Variants in AP3D1 observed in about 807,000 individuals in gnomAD.
AP3D1 encodes adaptor related protein complex 3 subunit delta 1.
In AP3D1, 51 loss-of-function variants were observed where a neutral mutation model predicts 147.6. The observed-to-expected ratio is 0.35, with a 90% CI of 0.28 to 0.44. The LOEUF (loss-of-function observed/expected upper bound fraction) is 0.44. Ranked by LOEUF, AP3D1 falls within the 20% of genes least tolerant of loss-of-function variation. The pLI is 1.00. For missense variants in AP3D1, 1,421 were observed against 1,624.2 expected (o/e 0.87, Z 2.15); for synonymous variants, 760 against 663.0 (o/e 1.15, Z -2.25).
intron 2 of AP3D1, 94 bp downstream of exon 2, chr19:2,138,525 G>A (rs2019135390): frequency 5.1e-6 from 5 of 976,898 alleles, no homozygotes; most frequent in African/African-American, 1.6e-5. Flanking sequence ...ACCAATGACT[G>A]ACAGGTGGAC....
At position 2,120,851 on chromosome 19, in the gene AP3D1, C is replaced by T. The variant is rs1205722341; in HGVS notation, c.1481+11G>A. On this transcript the variant is annotated intron_variant, in intron 14 of 31. Coordinates refer to ENST00000643116, the MANE Select transcript of AP3D1 (RefSeq NM_001261826.3). Reference sequence around the variant, plus strand: ...AGAAGCTGCCAGCCCAGAGGCCCAGCGCCCACTCACTCTGAGAACTCCCCG... The same window carrying T: ...AGAAGCTGCCAGCCCAGAGGCCCAGTGCCCACTCACTCTGAGAACTCCCCG... The T allele has an allele frequency of 8.1e-6, 13 of 1,602,226 alleles. No homozygotes were observed. The highest frequency in any genetic ancestry group is 4.5e-5 in the East Asian group (2 of 44,752).
intron 1 of AP3D1, among the ~76,000 whole-genome samples, chr19:2,163,851 C>A (rs550371670): frequency 6.7e-6 from 1 of 150,028 alleles, no homozygotes; most frequent in Non-Finnish European, 1.5e-5. Context: ...GGTCGGCCCG[C>A]TGGGCGGCGG....
chr19:2,110,641 G>A (rs2018244811), intron 27 of AP3D1, 66 bp downstream of exon 27: 2 of 1,454,054 alleles, frequency 1.4e-6, no homozygotes, highest in South Asian at 2.7e-5. Context: ...GCGGATCCGG[G>A]CAGTCACCAG....
At chr19:2,116,411 G>C in intron 17 of AP3D1, 133 bp from the exon 18 acceptor site, 1 of 1,235,624 alleles carries the variant, frequency 8.1e-7, no homozygotes. Context: ...CACTAACAGG[G>C]AAACCAAGGC....
intron 1 of AP3D1, among the ~76,000 whole-genome samples, chr19:2,141,879 A>G (rs953756715): frequency 2.0e-5 from 3 of 151,592 alleles, no homozygotes; most frequent in Non-Finnish European, 4.4e-5. Context: ...TACAGTAAAT[A>G]GCTGGGATTA....
In AP3D1 at chr19:2,115,518, G is replaced by A. The variant is rs751312281; in HGVS notation, c.2149+20C>T. On this transcript the variant is annotated intron_variant, in intron 19 of 31. Transcript: ENST00000643116. ...CAGCCCATGTGACAAATGCGGCGCC[G>A]ACACACCGGAGACACTTGCCTGGAA... 5.6e-6 allele frequency: 9 copies of A among 1,612,068 alleles called. No individual in the cohort carries two copies. Among genetic ancestry groups the A allele is most frequent in the Admixed American group, 3.3e-5 (2 of 59,922 alleles).
Position 2,123,424 on chromosome 19 carries a change from A to G in AP3D1, c.907-18T>C. 4 of 1,613,756 alleles carry G rather than the reference A, an allele frequency of 2.5e-6. No homozygotes were observed. Among genetic ancestry groups the G allele is most frequent in the Non-Finnish European group, 3.4e-6 (4 of 1,179,858 alleles). ...ACACAAAGCTGAAAAGAAGAAAAAA[A>G]CGATGCTGGTTACATCCTCTAAACC... On this transcript the variant is annotated intron_variant, in intron 10 of 31. Transcript: ENST00000643116.
chr19:2,140,178 A>T (rs1212880151), intron 1 of AP3D1, among the ~76,000 whole-genome samples: 2 of 152,124 alleles, frequency 1.3e-5, no homozygotes, highest in African/African-American at 4.8e-5. Context: ...AAGAACAAAA[A>T]GACCATCCCA....
chr19:2,157,262 G>C (rs1054342670), intron 1 of AP3D1, among the ~76,000 whole-genome samples: 1 of 151,146 alleles, frequency 6.6e-6, no homozygotes, highest in African/African-American at 2.4e-5. Flanking sequence ...CTAAAACGGT[G>C]AAACCCCGTC....
At chr19:2,157,991 A>C (rs1411422415) in intron 1 of AP3D1, among the ~76,000 whole-genome samples, 1 of 152,208 alleles carries the variant, frequency 6.6e-6, no homozygotes. Context: ...AGAAGCATTC[A>C]TTTAGCAACT....
At chr19:2,113,571 C>T (rs540633928) in intron 22 of AP3D1, among the ~76,000 whole-genome samples, 158 bp from the exon 23 acceptor site, 32 of 152,290 alleles carry the variant, frequency 2.1e-4, no homozygotes, top group Non-Finnish European at 3.8e-4. Flanking sequence ...GAGCTGAAGG[C>T]GATGTCCTCA....
At chr19:2,110,974 C>A in intron 26 of AP3D1, 78 bp from the exon 27 acceptor site, 2 of 1,474,334 alleles carry the variant, frequency 1.4e-6, no homozygotes, top group Non-Finnish European at 1.9e-6. Context: ...CTCTTAATGA[C>A]CACAGAGGCA....
intron 13 of AP3D1, 27 bp from the exon 14 acceptor site, chr19:2,121,119 G>C (rs373563740): frequency 6.2e-7 from 1 of 1,613,600 alleles, no homozygotes; most frequent in Non-Finnish European, 8.5e-7. Flanking sequence ...GTGAGTGAGC[G>C]GCGCCACGGA....
intron 28 of AP3D1, 46 bp from the exon 29 acceptor site, chr19:2,110,004 AGCTCAGG>A: frequency 1.2e-6 from 2 of 1,604,994 alleles, no homozygotes; most frequent in Non-Finnish European, 1.7e-6. Flanking sequence ...AGTCGGGCCC[AGCTCAGG>A]GCTCAGGGTT....
chr19:2,122,189 G>A (rs1338517725), intron 11 of AP3D1, among the ~76,000 whole-genome samples: 1 of 147,598 alleles, frequency 6.8e-6, no homozygotes, highest in Non-Finnish European at 1.5e-5. Context: ...GTGCAGGGAA[G>A]AACGCAGAGA....
In AP3D1 at chr19:2,114,169, C is replaced by T; in HGVS notation, c.2557G>A (p.Glu853Lys). Residue 853 changes from glutamate (E) to lysine (K), a missense_variant, in exon 22 of 32, where the codon GAG becomes AAG. Transcript: ENST00000643116. ...KPKKKEKKHK[E>K]KERDKEKKKE... ...TTCTTCTCCTTGTCTCTCTCTTTCT[C>T]TTTGTGTTTTTTCTCTTTCTTCTTG... 6.3e-7 allele frequency: 1 copy of T among 1,586,824 alleles called. No homozygotes were observed. Among genetic ancestry groups the T allele is most frequent in the Admixed American group, 1.8e-5 (1 of 55,098 alleles).
intron 31 of AP3D1, among the ~76,000 whole-genome samples, chr19:2,108,221 C>G (rs920723270): frequency 6.6e-6 from 1 of 152,230 alleles, no homozygotes; most frequent in Admixed American, 6.5e-5. Flanking sequence ...TCCTCATATA[C>G]AGACACAAAA....
chr19:2,142,025 T>C lies in AP3D1; in HGVS notation c.97-3311A>G, dbSNP rs542678738. On this transcript the variant is annotated intron_variant, in intron 1 of 31. Transcript: ENST00000643116. ...ACATATATGTTTATTTATATATATA[T>C]ATGTATCTTTTGAGACAGAGTTTTG... 1.2e-4 allele frequency among the ~76,000 whole-genome samples: 18 copies of C among 151,196 alleles called. No homozygotes were observed. The South Asian group carries it at 2.9e-3, about 24-fold the overall frequency.
At chr19:2,154,992 G>A (rs975645965), upstream of AP3D1, among the ~76,000 whole-genome samples, 7 of 151,936 alleles carry the variant, frequency 4.6e-5, no homozygotes, top group Non-Finnish European at 1.5e-5. Flanking sequence ...CCATCCTGGC[G>A]AACATGGTGA....
Sources: gnomAD v4.1 joint callset for allele counts (sites outside exome capture counted in the v4.1 genomes callset) on GRCh38, gnomAD v4.1.1 for gene constraint, MANE v1.5 for transcripts, NCBI Gene and HGNC (gene_info 2026-07-23, HGNC 2026-07-21) for gene names.